The following VAT1L variants were observed in gnomAD, a reference collection of about 807,000 sequenced individuals.
The protein encoded by VAT1L is putative NADPH-dependent quinone oxidoreductase VAT1L.
VAT1L carries 34 observed loss-of-function variants against 44.1 expected under a neutral mutation model. The ratio of observed to expected loss-of-function variants is 0.77; its 90% CI spans 0.59 to 1.03. VAT1L has a LOEUF of 1.03. Ranked by LOEUF, VAT1L falls within the 50% of genes least tolerant of loss-of-function variation. The pLI, the probability that VAT1L is intolerant of heterozygous loss-of-function variation, is 0.00. For synonymous variants in VAT1L, 253 were observed against 202.2 expected, an observed-to-expected ratio of 1.25 and a Z score of -2.13; for missense variants, 615 against 538.8, an observed-to-expected ratio of 1.14 and a Z score of -1.40.
intron 7 of VAT1L, among the ~76,000 whole-genome samples, chr16:77,923,439 G>A (rs1787692594): frequency 1.3e-5 from 2 of 152,300 alleles, no homozygotes; most frequent in South Asian, 4.1e-4. Context: ...GACAGAGCAA[G>A]ACTCTGTCAT....
chr16:77,940,097 T>C (rs562988164), intron 7 of VAT1L, among the ~76,000 whole-genome samples: 1 of 151,906 alleles, frequency 6.6e-6, no homozygotes, highest in South Asian at 2.1e-4. Flanking sequence ...GTTTAAAGAG[T>C]CTCAACAAGC....
chr16:77,847,946 G>A (rs1171316806), intron 3 of VAT1L, among the ~76,000 whole-genome samples: 3 of 152,184 alleles, frequency 2.0e-5, no homozygotes, highest in Non-Finnish European at 2.9e-5. Flanking sequence ...GCTGTGCCAC[G>A]TTTAAGAGGG....
intron 7 of VAT1L, among the ~76,000 whole-genome samples, chr16:77,915,338 A>G (rs1263808592): frequency 6.6e-6 from 1 of 152,264 alleles, no homozygotes; most frequent in Admixed American, 6.5e-5. Flanking sequence ...AAATGTATGC[A>G]TATACGGATT....
chr16:77,887,669 C>G (rs917673414), intron 7 of VAT1L, among the ~76,000 whole-genome samples: 2 of 152,146 alleles, frequency 1.3e-5, no homozygotes, highest in Non-Finnish European at 2.9e-5. Context: ...GTACTCAGGA[C>G]CAGCACTAAT....
intron 1 of VAT1L, among the ~76,000 whole-genome samples, chr16:77,805,766 G>A (rs555689707): frequency 2.0e-4 from 31 of 151,824 alleles, no homozygotes; most frequent in African/African-American, 7.5e-4. Context: ...AGAAAGCCCT[G>A]AAGTGTGATT....
At chr16:77,835,462 A>G (rs1385422025) in intron 3 of VAT1L, among the ~76,000 whole-genome samples, 1 of 152,134 alleles carries the variant, frequency 6.6e-6, no homozygotes, top group East Asian at 1.9e-4. Flanking sequence ...AGCTGTGCTG[A>G]GTCCACTTCC....
At chr16:77,938,785 T>C (rs1199716960) in intron 7 of VAT1L, among the ~76,000 whole-genome samples, 1 of 152,190 alleles carries the variant, frequency 6.6e-6, no homozygotes, top group Non-Finnish European at 1.5e-5. Context: ...TTTACAGCAC[T>C]GTGAGAACAG....
intron 6 of VAT1L, among the ~76,000 whole-genome samples, chr16:77,880,476 A>G (rs1307713614): frequency 6.6e-6 from 1 of 151,318 alleles, no homozygotes; most frequent in East Asian, 1.9e-4. Flanking sequence ...AGTTTTTTAA[A>G]TATCATTTCA....
intron 1 of VAT1L, among the ~76,000 whole-genome samples, chr16:77,797,915 C>T (rs1211280629): frequency 1.3e-5 from 2 of 152,060 alleles, no homozygotes; most frequent in South Asian, 2.1e-4. Flanking sequence ...TTGGTTGGAG[C>T]CATGGTATGA....
At chr16:77,821,052 C>A (rs932133242) in intron 2 of VAT1L, among the ~76,000 whole-genome samples, 18 of 152,248 alleles carry the variant, frequency 1.2e-4, no homozygotes, top group Admixed American at 1.1e-3. Context: ...TCTCCCATTT[C>A]CCACCCATGG....
At position 77,876,489 on chromosome 16, in the gene VAT1L, C is replaced by T; in HGVS notation, c.826+16C>T. ...ATTTTATATGGTGAGTGCAAAACAG[C>T]AGCAGGGACGTGGTCAGCAATAGGT... is the stretch of plus-strand genomic sequence containing the variant. On this transcript the variant is annotated intron_variant, in intron 5 of 8. Coordinates refer to ENST00000302536, the MANE Select transcript of VAT1L (RefSeq NM_020927.3). The T allele has an allele frequency of 6.2e-7, 1 of 1,610,006 alleles. No individual in the cohort carries two copies. The highest frequency in any genetic ancestry group is 8.5e-7 in the Non-Finnish European group (1 of 1,176,220).
At chr16:77,834,850 C>T (rs777391700) in intron 3 of VAT1L, among the ~76,000 whole-genome samples, 6 of 152,210 alleles carry the variant, frequency 3.9e-5, no homozygotes, top group East Asian at 1.9e-4. Flanking sequence ...AGCTTACCAC[C>T]GCGAGCAAAA....
intron 1 of VAT1L, among the ~76,000 whole-genome samples, chr16:77,809,314 G>A (rs2145225709): frequency 6.6e-6 from 1 of 152,256 alleles, no homozygotes; most frequent in East Asian, 1.9e-4. Context: ...ACAATTGCTA[G>A]CCACAAATCA....
At chr16:77,873,648 C>G (rs2017056227) in intron 4 of VAT1L, among the ~76,000 whole-genome samples, 1 of 152,232 alleles carries the variant, frequency 6.6e-6, no homozygotes, top group East Asian at 1.9e-4. Context: ...TAATTACAAC[C>G]TATGATAGGT....
chr16:77,944,013 C>T (rs761135036), intron 7 of VAT1L, among the ~76,000 whole-genome samples: 2 of 152,126 alleles, frequency 1.3e-5, no homozygotes, highest in Admixed American at 6.6e-5. Context: ...CCATTTCTAA[C>T]GCTACATCAA....
intron 6 of VAT1L, among the ~76,000 whole-genome samples, chr16:77,883,502 G>C (rs906510825): frequency 1.3e-5 from 2 of 152,074 alleles, no homozygotes; most frequent in Admixed American, 1.3e-4. Flanking sequence ...TTTGGGGCTG[G>C]GTAATTCTTT....
chr16:77,977,502 C>G (rs146676777), intron 8 of VAT1L, 95 bp from the exon 9 acceptor site: 156 of 1,252,960 alleles, frequency 1.2e-4, no homozygotes, highest in Non-Finnish European at 1.6e-4. Flanking sequence ...TAGTTCCTAG[C>G]CCCCAAGAAG....
At position 77,788,926 on chromosome 16, in the gene VAT1L, C is replaced by A; in HGVS notation, c.233+11C>A. ...CCGCGTCAAAGCCTGGTCCAGTATCCGCGCCTTTCTCGCTTTCTCTCTTTT... is the reference window on the plus strand; with the variant it reads ...CCGCGTCAAAGCCTGGTCCAGTATCAGCGCCTTTCTCGCTTTCTCTCTTTT... On this transcript the variant is annotated intron_variant, in intron 1 of 8. Coordinates refer to ENST00000302536, the MANE Select transcript of VAT1L (RefSeq NM_020927.3). 1 of 1,468,886 alleles carries A rather than the reference C, an allele frequency of 6.8e-7. No homozygotes were observed. Among genetic ancestry groups the A allele is most frequent in the Non-Finnish European group, 9.0e-7 (1 of 1,110,978 alleles). The allele number at this position is 1,468,886 out of a possible 1,614,324, so 91.0% of individuals were successfully genotyped here.
intron 3 of VAT1L, among the ~76,000 whole-genome samples, chr16:77,840,427 A>G (rs2016692458): frequency 6.6e-6 from 1 of 152,140 alleles, no homozygotes; most frequent in Non-Finnish European, 1.5e-5. Flanking sequence ...TCTGTAGCAT[A>G]AAGCTAGTAG....
Sources: gnomAD v4.1 joint callset for allele counts (sites outside exome capture counted in the v4.1 genomes callset) on GRCh38, gnomAD v4.1.1 for gene constraint, MANE v1.5 for transcripts, NCBI Gene and HGNC (gene_info 2026-07-23, HGNC 2026-07-21) for gene names.